TMEM63C: variants seen among roughly 807,000 people sequenced by gnomAD.
TMEM63C encodes the protein osmosensitive cation channel TMEM63C.
In TMEM63C, 32 loss-of-function variants were observed where a neutral mutation model predicts 99.2. That is an observed-to-expected ratio of 0.32 (90% CI 0.24 to 0.43). The LOEUF (loss-of-function observed/expected upper bound fraction) is 0.43. Among genes scored for constraint, TMEM63C ranks in the 20% least tolerant of loss-of-function variants. The pLI is 1.00. For synonymous variants in TMEM63C, 376 were observed against 397.9 expected, an observed-to-expected ratio of 0.94 and a Z score of 0.66; for missense variants, 826 against 1,053.0, an observed-to-expected ratio of 0.78 and a Z score of 2.98.
At chr14:77,226,918 C>A (rs960003574) in intron 6 of TMEM63C, among the ~76,000 whole-genome samples, 1 of 152,130 alleles carries the variant, frequency 6.6e-6, no homozygotes, top group African/African-American at 2.4e-5. Flanking sequence ...GAGGCACGTG[C>A]CACCATGTCC....
Position 77,256,654 on chromosome 14 carries a change from C to T in TMEM63C, c.2349C>T (p.Gly783=). The T allele has an allele frequency of 6.2e-7, 1 of 1,613,978 alleles. No individual in the cohort carries two copies. The highest frequency in any genetic ancestry group is 8.5e-7 in the Non-Finnish European group (1 of 1,179,878). ...EEGEEESGLR[G]FARELDSAQF... ...GAGAAGAAGAGAGTGGTCTGAGGGG[C>T]TTTGCGAGGGAGCTAGACTCGGCCC... Residue 783 remains glycine (G), a synonymous_variant, in exon 24 of 24, where the codon GGC becomes GGT. Coordinates refer to ENST00000298351, the MANE Select transcript of TMEM63C (RefSeq NM_020431.4).
chr14:77,226,911 G>A (rs564235645), intron 6 of TMEM63C, among the ~76,000 whole-genome samples: 6 of 152,212 alleles, frequency 3.9e-5, no homozygotes, highest in South Asian at 2.1e-4. Context: ...GGGATTAGAG[G>A]CACGTGCCAC....
chr14:77,232,354 C>T (rs2140119150), intron 7 of TMEM63C, among the ~76,000 whole-genome samples: 1 of 152,260 alleles, frequency 6.6e-6, no homozygotes, highest in South Asian at 2.1e-4. Context: ...ATGGCGCGAT[C>T]TCAGCTCACT....
intron 22 of TMEM63C, among the ~76,000 whole-genome samples, chr14:77,252,824 C>G (rs569562291): frequency 1.4e-4 from 21 of 152,300 alleles, no homozygotes; most frequent in African/African-American, 5.1e-4. Context: ...GCTGGAACAC[C>G]ACACTAGTGA....
intron 20 of TMEM63C, among the ~76,000 whole-genome samples, chr14:77,249,082 C>G (rs1355216342): frequency 2.0e-5 from 3 of 152,070 alleles, no homozygotes; most frequent in African/African-American, 7.2e-5. Flanking sequence ...GAGAGAATGA[C>G]TCTTCACCAA....
chr14:77,241,556 AC>A (rs1297833457), intron 13 of TMEM63C, among the ~76,000 whole-genome samples: 2 of 152,062 alleles, frequency 1.3e-5, no homozygotes, highest in East Asian at 3.8e-4. Context: ...CATTGTTCCC[AC>A]CTACCCCAAC....
intron 13 of TMEM63C, 99 bp from the exon 14 acceptor site, chr14:77,242,248 G>A: frequency 7.3e-7 from 1 of 1,368,160 alleles, no homozygotes; most frequent in Non-Finnish European, 1.0e-6. Context: ...CCCATCTGTA[G>A]GACCACCATA....
intron 8 of TMEM63C, among the ~76,000 whole-genome samples, 156 bp from the exon 9 acceptor site, chr14:77,236,448 ATACTGTAATGGGTTGGGGTC>A (rs1889062934): frequency 4.4e-4 from 18 of 40,596 alleles, no homozygotes; most frequent in African/African-American, 1.2e-3. Context: ...GGGGTGGGGG[ATACTGTAATGGGTTGGGGTC>A]TGGGGAGACT....
In TMEM63C at chr14:77,236,657, C is replaced by T; in HGVS notation, c.576C>T (p.Ser192=). Residue 192 remains serine, a synonymous_variant, in exon 9 of 24, where the codon TCC becomes TCT. Transcript: ENST00000298351. ...TCCTGTGGCTGCATAGCCTGCTGTC[C>T]TTCTTCTACTTCATCACCAACTTCA... The part of the protein sequence containing the change: ...SKLLWLHSLL[S]FFYFITNFMF... 6.2e-7 allele frequency: 1 copy of T among 1,612,790 alleles called. No homozygotes were observed. The highest frequency in any genetic ancestry group is 1.3e-5 in the African/African-American group (1 of 74,832).
At chr14:77,240,868 A>G (rs1200830004) in intron 13 of TMEM63C, among the ~76,000 whole-genome samples, 1 of 151,334 alleles carries the variant, frequency 6.6e-6, no homozygotes, top group African/African-American at 2.4e-5. Flanking sequence ...GTGGTCAGAG[A>G]AGCCTTTGAC....
rs1352986079 is a variant in TMEM63C at position 77,249,401 on chromosome 14, A to G, written c.1981A>G (p.Ile661Val). ...QIHMAAVSQA[I>V]FAPLLGLFWM... ...CCACATGGCTGCCGTCTCCCAGGCC[A>G]TCTTTGCGCCACTCTTGGGTCTGTT... Residue 661 changes from isoleucine to valine, a missense_variant, in exon 21 of 24, where the codon ATC becomes GTC. Ile to Val is a conservative substitution (Grantham distance 29, BLOSUM62 3). Transcript: ENST00000298351. The G allele has an allele frequency of 2.5e-6, 4 of 1,613,896 alleles. No individual in the cohort carries two copies. The South Asian group carries it at 4.4e-5, about 18-fold the overall frequency.
intron 2 of TMEM63C, among the ~76,000 whole-genome samples, chr14:77,215,135 C>A (rs1888557958): frequency 6.6e-6 from 1 of 152,144 alleles, no homozygotes; most frequent in Non-Finnish European, 1.5e-5. Flanking sequence ...AGATCATGAG[C>A]CTCCACAGGC....
At chr14:77,215,614 A>AAAG (rs1555347252) in intron 2 of TMEM63C, among the ~76,000 whole-genome samples, 1 of 76,528 alleles carries the variant, frequency 1.3e-5, no homozygotes, top group African/African-American at 5.6e-5. Context: ...AAAAAAAAAA[A>AAAG]AAAAGAAAAG....
chr14:77,244,298 A>T, intron 15 of TMEM63C, 51 bp from the exon 16 acceptor site: 1 of 1,353,284 alleles, frequency 7.4e-7, no homozygotes, highest in South Asian at 1.2e-5. Flanking sequence ...CAAGGGGAAG[A>T]GGATGCTTGC....
intron 11 of TMEM63C, 27 bp downstream of exon 11, chr14:77,239,519 G>GC: frequency 1.2e-6 from 2 of 1,612,676 alleles, no homozygotes; most frequent in Non-Finnish European, 8.5e-7. Context: ...GCCTTTTGGG[G>GC]CCCGGGGTGG....
At chr14:77,237,597 C>T (rs1381103496) in intron 9 of TMEM63C, among the ~76,000 whole-genome samples, 1 of 152,222 alleles carries the variant, frequency 6.6e-6, no homozygotes, top group Non-Finnish European at 1.5e-5. Context: ...GGGTATTTTC[C>T]ACCAGCTCCC....
chr14:77,192,514 G>A (rs1888128245), intron 1 of TMEM63C, among the ~76,000 whole-genome samples: 1 of 152,160 alleles, frequency 6.6e-6, no homozygotes, highest in Admixed American at 6.5e-5. Context: ...TAGGACAACT[G>A]TGTAGCCCTT....
At chr14:77,246,565 C>G in intron 17 of TMEM63C, 44 bp from the exon 18 acceptor site, 1 of 1,560,900 alleles carries the variant, frequency 6.4e-7, no homozygotes, top group Non-Finnish European at 8.8e-7. Flanking sequence ...AGCCTTAGCT[C>G]ATAGGTTTGC....
At chr14:77,248,692 CTGA>C (rs1889306873) in intron 19 of TMEM63C, 72 bp from the exon 20 acceptor site, 1 of 1,524,148 alleles carries the variant, frequency 6.6e-7, no homozygotes, top group Non-Finnish European at 9.1e-7. Context: ...TGCCAGGAGG[CTGA>C]TGAGGAGCCA....
Sources: allele counts gnomAD v4.1 joint callset (sites outside exome capture counted in the v4.1 genomes callset), GRCh38; gene constraint gnomAD v4.1.1; transcripts MANE v1.5; gene names NCBI Gene and HGNC (gene_info 2026-07-23, HGNC 2026-07-21).